The following CYP4F8 variants were observed in gnomAD, a reference collection of about 807,000 sequenced individuals.
The protein encoded by CYP4F8 is cytochrome P450 4F8.
CYP4F8 carries 56 observed loss-of-function variants against 55.0 expected under a neutral mutation model. The observed-to-expected ratio is 1.02, with a 90% confidence interval of 0.82 to 1.27. The LOEUF (loss-of-function observed/expected upper bound fraction) is 1.27. CYP4F8 is among the 50% of genes most tolerant of loss of function. The pLI is 0.00. For synonymous variants in CYP4F8, 288 were observed against 267.3 expected (o/e 1.08, Z -0.76); for missense variants, 680 against 682.4 (o/e 1.00, Z 0.04).
intron 11 of CYP4F8, 68 bp from the exon 12 acceptor site, chr19:15,628,693 G>A (rs1972295465): frequency 1.7e-5 from 27 of 1,605,632 alleles, no homozygotes; most frequent in Non-Finnish European, 2.2e-5. Flanking sequence ...ACCCACATCT[G>A]TTTTATGTGG....
At chr19:15,617,512 A>ATCTT (rs1181408100) in intron 2 of CYP4F8, among the ~76,000 whole-genome samples, 7 of 151,272 alleles carry the variant, frequency 4.6e-5, no homozygotes, top group Admixed American at 1.3e-4. Flanking sequence ...CTATCTATCT[A>ATCTT]TCTATCTATC....
intron 2 of CYP4F8, among the ~76,000 whole-genome samples, chr19:15,616,290 CCTCG>C (rs1972121110): frequency 1.3e-5 from 2 of 150,936 alleles, no homozygotes; most frequent in African/African-American, 4.9e-5. Context: ...TCATTCCTCT[CCTCG>C]CTCACTCATT....
At chr19:15,618,418 C>A in intron 3 of CYP4F8, 1 of 553,300 alleles carries the variant, frequency 1.8e-6, no homozygotes. Context: ...AATCCCCAAA[C>A]TTGAAGAGAT....
intron 5 of CYP4F8, chr19:15,621,682 T>C (rs1972195875): frequency 6.6e-6 from 1 of 152,378 alleles, no homozygotes; most frequent in Non-Finnish European, 1.5e-5. Context: ...TAATATTTAT[T>C]GAGAACTCAT....
chr19:15,629,079 C>A (rs777058798), intron 12 of CYP4F8, 114 bp from the exon 13 acceptor site: 4 of 1,416,426 alleles, frequency 2.8e-6, no homozygotes, highest in Admixed American at 2.7e-5. Context: ...CAGCTTCCCC[C>A]CTGTCTGCCC....
intron 7 of CYP4F8, 87 bp downstream of exon 7, chr19:15,623,462 G>T: frequency 6.4e-7 from 1 of 1,558,502 alleles, no homozygotes; most frequent in East Asian, 2.3e-5. Context: ...GATACAGAGG[G>T]CACTAAGGAG....
rs199867648 is a variant in CYP4F8, at chr19:15,619,756, C to A, written c.519C>A (p.Ile173=). The change falls in exon 5 of 13, where the codon ATC becomes ATA. Residue 173 remains isoleucine, a synonymous_variant. Transcript: ENST00000612078. ...AGATTTTCAGCAAGAGTGCAAACAT[C>A]ATGCATGTGAGTGCCTTGAACTCAG... ...YIKIFSKSAN[I]MHAKWQRLAM... The A allele has an allele frequency of 6.4e-5, 103 of 1,611,990 alleles. No individual in the cohort carries two copies. The highest frequency in any genetic ancestry group is 8.3e-5 in the Non-Finnish European group (98 of 1,178,904).
intron 5 of CYP4F8, among the ~76,000 whole-genome samples, chr19:15,621,263 C>T (rs537446913): frequency 1.3e-5 from 2 of 152,246 alleles, no homozygotes; most frequent in South Asian, 2.1e-4. Context: ...CAGGGTTGAC[C>T]GGGTGTGGTG....
At chr19:15,622,484 G>C in intron 6 of CYP4F8, 144 bp downstream of exon 6, 1 of 1,222,460 alleles carries the variant, frequency 8.2e-7, no homozygotes, top group Non-Finnish European at 1.1e-6. Context: ...GAGAAGGAGA[G>C]AGAGAGAGAG....
intron 3 of CYP4F8, chr19:15,618,561 G>A (rs1001472252): frequency 8.6e-6 from 3 of 348,682 alleles, no homozygotes; most frequent in South Asian, 6.9e-5. Flanking sequence ...GGCGTAGCAG[G>A]AGCTGGGTGT....
In CYP4F8 at chr19:15,624,795, T is replaced by G. The variant is rs889548349; in HGVS notation, c.1115+701T>G. On this transcript the variant is annotated intron_variant, in intron 9 of 12. Transcript: ENST00000612078. Reference sequence around the variant, plus strand: ...ATTTTAATGAACATAACTTTAAATGTGGGTAAAGTTGAGCACTGTTTTCAC... The same window carrying G: ...ATTTTAATGAACATAACTTTAAATGGGGGTAAAGTTGAGCACTGTTTTCAC... Among the ~76,000 whole-genome samples, 6 of 152,352 alleles carry G rather than the reference T, an allele frequency of 3.9e-5. No individual in the cohort carries two copies. In the East Asian group the frequency reaches 7.7e-4, roughly 20 times the overall value.
rs888127378 is a variant in CYP4F8 at position 15,624,042 on chromosome 19, C to T, written c.1063C>T (p.Arg355Trp). Reference protein sequence around the residue: ...ARHPEYQERCRQEVQELLKDR... With the variant: ...ARHPEYQERCWQEVQELLKDR... ...GCACCCAGAATACCAAGAACGCTGCCGGCAGGAGGTGCAAGAGCTTCTGAA... is the reference window on the plus strand; with the variant it reads ...GCACCCAGAATACCAAGAACGCTGCTGGCAGGAGGTGCAAGAGCTTCTGAA... Residue 355 changes from arginine (R) to tryptophan (W), a missense_variant, in exon 9 of 13, where the codon CGG becomes TGG. Physicochemically the swap from Arg to Trp is moderately radical, Grantham distance 101. Transcript: ENST00000612078. 2.5e-6 allele frequency: 4 copies of T among 1,614,140 alleles called. No individual in the cohort carries two copies. Among genetic ancestry groups the T allele is most frequent in the African/African-American group, 1.3e-5 (1 of 75,014 alleles).
chr19:15,629,307 T>C lies in CYP4F8; in HGVS notation c.1512T>C (p.Ile504=). Residue 504 remains isoleucine (I), a synonymous_variant, in exon 13 of 13, where the codon ATT becomes ATC. Coordinates refer to ENST00000612078, the MANE Select transcript of CYP4F8 (RefSeq NM_007253.4). ...DHREPRRTPE[I]VLRAEDGLWL... ...GGGAGCCACGCAGGACGCCGGAGATTGTTTTGCGTGCGGAGGACGGACTTT... is the reference window on the plus strand; with the variant it reads ...GGGAGCCACGCAGGACGCCGGAGATCGTTTTGCGTGCGGAGGACGGACTTT... 6.2e-7 allele frequency: 1 copy of C among 1,613,082 alleles called. No individual in the cohort carries two copies. The highest frequency in any genetic ancestry group is 8.5e-7 in the Non-Finnish European group (1 of 1,179,524).
intron 2 of CYP4F8, among the ~76,000 whole-genome samples, chr19:15,616,302 A>T (rs1327077418): frequency 6.9e-6 from 1 of 144,846 alleles, no homozygotes; most frequent in Non-Finnish European, 1.5e-5. Context: ...TCGCTCACTC[A>T]TTCCTCTCCT....
chr19:15,616,303 T>C (rs1274962678), intron 2 of CYP4F8, among the ~76,000 whole-genome samples: 1 of 148,026 alleles, frequency 6.8e-6, no homozygotes, highest in Non-Finnish European at 1.5e-5. Context: ...CGCTCACTCA[T>C]TCCTCTCCTT....
At chr19:15,617,950 T>G (rs1972143862) in intron 2 of CYP4F8, 50 bp from the exon 3 acceptor site, 10 of 1,597,610 alleles carry the variant, frequency 6.3e-6, no homozygotes, top group Non-Finnish European at 8.5e-6. Context: ...GGGCATCCCT[T>G]AACCCAGTCA....
In CYP4F8 at chr19:15,623,659, G is replaced by T; in HGVS notation, c.919-40G>T. ...AGAGACTGTTTCAGTTTAGACTCCA[G>T]TGACCCCAGAACTAGTGTGATTGGG... On this transcript the variant is annotated intron_variant, in intron 7 of 12. Coordinates refer to ENST00000612078, the MANE Select transcript of CYP4F8 (RefSeq NM_007253.4). 1.2e-6 allele frequency: 2 copies of T among 1,607,582 alleles called. 1 individual carries two copies.
chr19:15,619,332 G>T, intron 3 of CYP4F8, 158 bp from the exon 4 acceptor site: 26 of 735,792 alleles, frequency 3.5e-5, no homozygotes, highest in Non-Finnish European at 5.2e-5. Context: ...TCCCCTTTAT[G>T]CCCCCCACCC....
chr19:15,618,095 C>G lies in CYP4F8; in HGVS notation c.294C>G (p.Ile98Met). 6.2e-7 allele frequency: 1 copy of G among 1,614,160 alleles called. No homozygotes were observed. Among genetic ancestry groups the G allele is most frequent in the South Asian group, 1.1e-5 (1 of 91,084 alleles). ...GGTGGTTGGGCCCCATCACTCCCAT[C>G]ATCAACTTGTGCCACCCTGACATCG... ...FVRWLGPITP[I>M]INLCHPDIVR... Residue 98 changes from isoleucine (I) to methionine (M), a missense_variant, in exon 3 of 13, where the codon ATC (isoleucine) becomes ATG (methionine). Physicochemically the swap from Ile to Met is conservative, Grantham distance 10 (BLOSUM62 1). Coordinates refer to ENST00000612078, the MANE Select transcript of CYP4F8 (RefSeq NM_007253.4).
Sources: allele counts gnomAD v4.1 joint callset (sites outside exome capture counted in the v4.1 genomes callset), GRCh38; gene constraint gnomAD v4.1.1; transcripts MANE v1.5; gene names NCBI Gene and HGNC (gene_info 2026-07-23, HGNC 2026-07-21).